SNTG1: variants seen among roughly 807,000 people sequenced by gnomAD.
SNTG1 encodes the protein syntrophin gamma 1, also known as gamma-1-syntrophin.
Under a neutral mutation model 74.7 loss-of-function variants are expected in SNTG1, and 39 were observed. The observed-to-expected ratio is 0.52, with a 90% confidence interval of 0.40 to 0.68. SNTG1 has a LOEUF of 0.68. Ranked by LOEUF, SNTG1 falls within the 30% of genes least tolerant of loss-of-function variation. SNTG1 has a pLI of 0.00. For missense variants in SNTG1, 685 were observed against 609.5 expected (o/e 1.12, Z -1.30); for synonymous variants, 254 against 217.1 (o/e 1.17, Z -1.49).
chr8:50,441,428 G>A (rs1351347045), intron 5 of SNTG1, among the ~76,000 whole-genome samples: 1 of 152,030 alleles, frequency 6.6e-6, no homozygotes, highest in South Asian at 2.1e-4. Flanking sequence ...GTGTCCCTAC[G>A]GCTTAATTCT....
chr8:50,624,810 T>A (rs144379533), intron 13 of SNTG1, among the ~76,000 whole-genome samples: 47 of 152,288 alleles, frequency 3.1e-4, no homozygotes, highest in East Asian at 2.9e-3. Context: ...GAAAGCTTTC[T>A]TGAAATGACA....
intron 1 of SNTG1, among the ~76,000 whole-genome samples, chr8:50,067,455 T>A (rs1461919337): frequency 1.2e-4 from 18 of 152,208 alleles, no homozygotes; most frequent in Non-Finnish European, 2.2e-4. Flanking sequence ...CCATTTCTGA[T>A]GTGGGATTTT....
chr8:50,150,746 T>A (rs527363225), intron 1 of SNTG1, among the ~76,000 whole-genome samples: 10 of 152,324 alleles, frequency 6.6e-5, no homozygotes, highest in African/African-American at 2.4e-4. Flanking sequence ...CAGACTTGCA[T>A]CCCAGGGATG....
intron 13 of SNTG1, among the ~76,000 whole-genome samples, chr8:50,622,730 A>G (rs1227512139): frequency 6.6e-6 from 1 of 152,144 alleles, no homozygotes; most frequent in Non-Finnish European, 1.5e-5. Flanking sequence ...AGATGAGATT[A>G]TAATAAAAAA....
At chr8:50,086,933 T>A (rs537248480) in intron 1 of SNTG1, among the ~76,000 whole-genome samples, 41 of 152,294 alleles carry the variant, frequency 2.7e-4, no homozygotes, top group African/African-American at 9.6e-4. Flanking sequence ...GAAACGGACA[T>A]TGTTTTCAGA....
chr8:49,934,359 T>G (rs1017447228), intron 1 of SNTG1, among the ~76,000 whole-genome samples: 4 of 152,056 alleles, frequency 2.6e-5, no homozygotes, highest in African/African-American at 9.7e-5. Context: ...TATCTACCTA[T>G]CTATTTATCA....
intron 2 of SNTG1, among the ~76,000 whole-genome samples, chr8:50,214,241 C>T: frequency 8.5e-6 from 1 of 118,026 alleles, no homozygotes; most frequent in South Asian, 2.8e-4. Flanking sequence ...GGGAACATCA[C>T]ACTCTGGGGA....
intron 8 of SNTG1, among the ~76,000 whole-genome samples, chr8:50,480,334 G>A (rs952972125): frequency 6.6e-6 from 1 of 152,032 alleles, no homozygotes; most frequent in African/African-American, 2.4e-5. Context: ...AATCAGGTGT[G>A]TGTAGTCTCT....
At chr8:50,679,464 T>A (rs1202510386) in intron 15 of SNTG1, among the ~76,000 whole-genome samples, 1 of 152,182 alleles carries the variant, frequency 6.6e-6, no homozygotes, top group African/African-American at 2.4e-5. Context: ...ATGGGGTTAC[T>A]ATTATCAATA....
intron 1 of SNTG1, among the ~76,000 whole-genome samples, chr8:50,116,527 C>T (rs1244998529): frequency 6.6e-6 from 1 of 152,316 alleles, no homozygotes; most frequent in Non-Finnish European, 1.5e-5. Flanking sequence ...TTCTCACCCA[C>T]TTCTCCATCC....
At chr8:50,684,888 T>TC (rs1363318389) in intron 15 of SNTG1, among the ~76,000 whole-genome samples, 3 of 54,456 alleles carry the variant, frequency 5.5e-5, no homozygotes, top group Non-Finnish European at 9.7e-5. Context: ...CCCTCCCCCC[T>TC]CCCCCCACCC....
chr8:49,918,629 C>T (rs186251582), intron 1 of SNTG1, among the ~76,000 whole-genome samples: 32 of 149,460 alleles, frequency 2.1e-4, no homozygotes, highest in South Asian at 2.0e-3. Flanking sequence ...ATTGTATGTT[C>T]GGTGATGTAA....
chr8:50,323,157 C>T (rs1387198232), intron 2 of SNTG1, among the ~76,000 whole-genome samples: 3 of 150,458 alleles, frequency 2.0e-5, no homozygotes, highest in Non-Finnish European at 4.4e-5. Flanking sequence ...ATGTCATTTG[C>T]ATTTTTCAAC....
chr8:50,233,656 C>A (rs189892217), intron 2 of SNTG1, among the ~76,000 whole-genome samples: 256 of 151,280 alleles, frequency 1.7e-3, no homozygotes, highest in African/African-American at 5.9e-3. Context: ...AACCACAAAC[C>A]TGATAAAGAG....
At chr8:50,661,083 GA>G (rs2095220601) in intron 15 of SNTG1, among the ~76,000 whole-genome samples, 2 of 152,088 alleles carry the variant, frequency 1.3e-5, no homozygotes, top group Non-Finnish European at 2.9e-5. Flanking sequence ...TGGTTTAATA[GA>G]AAATTAAATG....
At chr8:50,578,841 T>G (rs758672221) in intron 12 of SNTG1, among the ~76,000 whole-genome samples, 6 of 152,190 alleles carry the variant, frequency 3.9e-5, no homozygotes, top group Non-Finnish European at 8.8e-5. Flanking sequence ...CTTTATAAAT[T>G]ACCCAGACTT....
intron 2 of SNTG1, among the ~76,000 whole-genome samples, chr8:50,300,230 A>G (rs1233264146): frequency 2.6e-5 from 4 of 152,140 alleles, no homozygotes; most frequent in African/African-American, 7.2e-5. Flanking sequence ...CAGTTGTAGT[A>G]TGCAAGCACC....
At chr8:50,618,628 C>T (rs935420470) in intron 13 of SNTG1, among the ~76,000 whole-genome samples, 3 of 152,182 alleles carry the variant, frequency 2.0e-5, no homozygotes, top group Non-Finnish European at 2.9e-5. Context: ...AGACTGTATT[C>T]TCATCTGGAG....
chr8:50,776,438 T>C (rs964159804), intron 18 of SNTG1, among the ~76,000 whole-genome samples: 4 of 147,478 alleles, frequency 2.7e-5, no homozygotes, highest in Admixed American at 1.4e-4. Flanking sequence ...ATTTATATGT[T>C]ATATTTAAGC....
Sources: gnomAD v4.1 joint callset for allele counts (sites outside exome capture counted in the v4.1 genomes callset) on GRCh38, gnomAD v4.1.1 for gene constraint, MANE v1.5 for transcripts, NCBI Gene and HGNC (gene_info 2026-07-23, HGNC 2026-07-21) for gene names.